The following TCTN2 variants were observed in gnomAD, a reference collection of about 807,000 sequenced individuals.
TCTN2 encodes the protein tectonic-2.
In TCTN2, 66 loss-of-function variants were observed where a neutral mutation model predicts 83.4. That is an observed-to-expected ratio of 0.79 (90% CI 0.65 to 0.97). TCTN2 has a LOEUF of 0.97. TCTN2 is among the 50% of genes least tolerant of loss of function. The pLI is 0.00. For synonymous variants in TCTN2, 301 were observed against 326.7 expected (o/e 0.92, Z 0.85); for missense variants, 794 against 858.1 (o/e 0.93, Z 0.93).
chr12:123,706,843 C>A lies in TCTN2; in HGVS notation c.1887C>A (p.Pro629=). ...AAATTCCTGCACAGTTACCCCACCC[C>A]CTGACAAGGTACTCCAGTTGCTCAC... is the stretch of plus-strand genomic sequence containing the variant. ...FIKIPAQLPH[P]LTRFQINYTE... The change falls in exon 16 of 18, where the codon CCC becomes CCA. Residue 629 remains proline (P), a synonymous_variant. Coordinates refer to ENST00000303372, the MANE Select transcript of TCTN2 (RefSeq NM_024809.5). 1 of 1,614,098 alleles carries A rather than the reference C, an allele frequency of 6.2e-7. No individual in the cohort carries two copies. The highest frequency in any genetic ancestry group is 2.2e-5 in the East Asian group (1 of 44,880).
intron 5 of TCTN2, among the ~76,000 whole-genome samples, chr12:123,679,753 T>TC (rs1393702417): frequency 2.0e-5 from 3 of 147,832 alleles, no homozygotes; most frequent in Non-Finnish European, 4.5e-5. Context: ...TTTTTTTTTT[T>TC]TTTTGAGATG....
intron 12 of TCTN2, 57 bp downstream of exon 12, chr12:123,696,552 A>G: frequency 6.9e-7 from 1 of 1,459,112 alleles, no homozygotes; most frequent in East Asian, 2.3e-5. Context: ...TAGAAGTATT[A>G]CCATATTTTG....
At chr12:123,685,916 G>A (rs1955961090) in intron 5 of TCTN2, among the ~76,000 whole-genome samples, 1 of 149,588 alleles carries the variant, frequency 6.7e-6, no homozygotes, top group Non-Finnish European at 1.5e-5. Context: ...AATTTTGTCG[G>A]GGCTGAGTCT....
At chr12:123,702,458 C>G (rs1014638209) in intron 14 of TCTN2, among the ~76,000 whole-genome samples, 1 of 152,086 alleles carries the variant, frequency 6.6e-6, no homozygotes, top group Admixed American at 6.5e-5. Flanking sequence ...CCCTCTTGGT[C>G]ATGGATAATG....
At chr12:123,697,544 G>A (rs939782439) in intron 13 of TCTN2, among the ~76,000 whole-genome samples, 2 of 152,138 alleles carry the variant, frequency 1.3e-5, no homozygotes, top group African/African-American at 4.8e-5. Flanking sequence ...TTGTCACCTA[G>A]GCTGGAGTGC....
At position 123,671,144 on chromosome 12, in the gene TCTN2, G is replaced by C. The variant is rs980505244; in HGVS notation, c.-97G>C. The C allele has an allele frequency of 1.2e-5, 14 of 1,210,666 alleles. No homozygotes were observed. Among genetic ancestry groups the C allele is most frequent in the Non-Finnish European group, 1.5e-5 (13 of 846,792 alleles). The allele number at this position is 1,210,666 out of a possible 1,614,324, so 75.0% of individuals were successfully genotyped here. A position where few individuals can be genotyped will look rare whatever the true frequency, so the allele number is the denominator to read the frequency against. On this transcript the variant is annotated 5_prime_UTR_variant, in exon 1 of 18. Transcript: ENST00000303372. The stretch of plus-strand genomic sequence containing the variant: ...CCGGGCGTTCGCTTGCAAGATGGCG[G>C]CGGCGGGGCAGTGGCTGCTGCGTTT...
rs560203034 is a variant in TCTN2 at position 123,692,554 on chromosome 12, C to T, written c.1034-104C>T. On this transcript the variant is annotated intron_variant, in intron 8 of 17. Coordinates refer to ENST00000303372, the MANE Select transcript of TCTN2 (RefSeq NM_024809.5). ...AGGGTTTTGTAGTCAGCACCCTGGGCAGTTGCGGTCACCATATTTGCTTTG... is the reference window on the plus strand; with the variant it reads ...AGGGTTTTGTAGTCAGCACCCTGGGTAGTTGCGGTCACCATATTTGCTTTG... The T allele has an allele frequency of 4.5e-5, 40 of 893,474 alleles. 2 individuals are homozygous for T. The South Asian group carries it at 5.0e-4, about 11-fold the overall frequency. 55.3% of individuals were successfully genotyped at this position (893,474 alleles called of 1,614,324 possible). A position where few individuals can be genotyped will look rare whatever the true frequency, so the allele number is the denominator to read the frequency against.
intron 14 of TCTN2, among the ~76,000 whole-genome samples, chr12:123,700,773 C>G (rs377097779): frequency 3.3e-5 from 5 of 152,240 alleles, no homozygotes; most frequent in African/African-American, 2.4e-5. Flanking sequence ...ATAGTGAGAC[C>G]TTGTCTCTAT....
intron 5 of TCTN2, among the ~76,000 whole-genome samples, chr12:123,685,075 A>C (rs2135831568): frequency 6.6e-6 from 1 of 151,102 alleles, no homozygotes; most frequent in Middle Eastern, 3.4e-3. Context: ...AGAGTAAAGT[A>C]CATCATACAT....
At chr12:123,671,695 T>G in intron 2 of TCTN2, 81 bp downstream of exon 2, 1 of 1,314,778 alleles carries the variant, frequency 7.6e-7, no homozygotes, top group East Asian at 2.4e-5. Context: ...GGTGGCATCC[T>G]TGGGGCCCCC....
At chr12:123,696,391 C>G (rs770745923) in intron 11 of TCTN2, 24 bp from the exon 12 acceptor site, 1 of 1,599,444 alleles carries the variant, frequency 6.3e-7, no homozygotes, top group South Asian at 1.1e-5. Context: ...AACAGGCTCA[C>G]GTTCCTTTGT....
rs1956152988 is a variant in TCTN2, at chr12:123,699,922, G to A, written c.1612+112G>A. On this transcript the variant is annotated intron_variant, in intron 14 of 17. Transcript: ENST00000303372. Reference sequence around the variant, plus strand: ...GGTCATCTTCCTGAGGCTTGACTGCGGCTTAACTGGACGTTTGCCCAGGGG... The same window carrying A: ...GGTCATCTTCCTGAGGCTTGACTGCAGCTTAACTGGACGTTTGCCCAGGGG... 35 of 842,708 alleles carry A rather than the reference G, an allele frequency of 4.2e-5. No homozygotes were observed. The South Asian group carries it at 4.4e-4, about 10-fold the overall frequency. The allele number at this position is 842,708 out of a possible 1,614,324, so 52.2% of individuals were successfully genotyped here.
intron 4 of TCTN2, among the ~76,000 whole-genome samples, chr12:123,677,479 T>A (rs374629790): frequency 9.9e-5 from 15 of 152,240 alleles, no homozygotes; most frequent in African/African-American, 3.1e-4. Flanking sequence ...ATGAAACTTT[T>A]ATCTGATAAA....
chr12:123,686,848 A>C lies in TCTN2; in HGVS notation c.577A>C (p.Asn193His), dbSNP rs370944870. The C allele has an allele frequency of 1.4e-4, 224 of 1,614,048 alleles. No homozygotes were observed. Among genetic ancestry groups the C allele is most frequent in the Non-Finnish European group, 1.8e-4 (216 of 1,180,042 alleles). Residue 193 changes from asparagine to histidine, a missense_variant, in exon 6 of 18, where the codon AAT becomes CAT. Coordinates refer to ENST00000303372, the MANE Select transcript of TCTN2 (RefSeq NM_024809.5). The stretch of plus-strand genomic sequence containing the variant: ...GTTTGTCTTCCAGGAATGCTCATCA[A>C]ATTTAACAACGCTGTTCAGACGGTC... ...RCCCDQECSS[N>H]LTTLFRRSCF...
chr12:123,692,772 A>G (rs1208367563), intron 9 of TCTN2, 49 bp downstream of exon 9: 1 of 1,418,596 alleles, frequency 7.0e-7, no homozygotes. Context: ...CAGATATGTC[A>G]TTTCTTACAA....
intron 5 of TCTN2, among the ~76,000 whole-genome samples, chr12:123,682,945 C>T (rs1955917315): frequency 6.6e-6 from 1 of 151,812 alleles, no homozygotes; most frequent in South Asian, 2.1e-4. Context: ...ATTTTTTGGC[C>T]GGGCTCAGTA....
chr12:123,683,391 C>T (rs1038651624), intron 5 of TCTN2, among the ~76,000 whole-genome samples: 1 of 151,376 alleles, frequency 6.6e-6, no homozygotes, highest in African/African-American at 2.4e-5. Context: ...GCATTCCTCC[C>T]GCCTTGGCCT....
intron 7 of TCTN2, 32 bp from the exon 8 acceptor site, chr12:123,690,501 A>G: frequency 1.2e-5 from 20 of 1,614,150 alleles, no homozygotes; most frequent in Non-Finnish European, 1.6e-5. Flanking sequence ...GAGAGAGGCC[A>G]TAAATCTGTT....
At chr12:123,702,391 C>T (rs1365826294) in intron 14 of TCTN2, among the ~76,000 whole-genome samples, 1 of 152,178 alleles carries the variant, frequency 6.6e-6, no homozygotes, top group East Asian at 1.9e-4. Flanking sequence ...CAGACACACA[C>T]CTGTATTGTG....
Sources: allele counts gnomAD v4.1 joint callset (sites outside exome capture counted in the v4.1 genomes callset), GRCh38; gene constraint gnomAD v4.1.1; transcripts MANE v1.5; gene names NCBI Gene and HGNC (gene_info 2026-07-23, HGNC 2026-07-21).